OSBPL8: variants seen among roughly 807,000 people sequenced by gnomAD.
OSBPL8 encodes oxysterol-binding protein-related protein 8.
In OSBPL8, 59 loss-of-function variants were observed where a neutral mutation model predicts 125.5. The observed-to-expected ratio is 0.47, with a 90% confidence interval of 0.38 to 0.58. OSBPL8 has a LOEUF of 0.58. Ranked by LOEUF, OSBPL8 falls within the 20% of genes least tolerant of loss-of-function variation. The pLI is 0.00. For synonymous variants in OSBPL8, 330 were observed against 338.9 expected (o/e 0.97, Z 0.29); for missense variants, 758 against 1,047.8 (o/e 0.72, Z 3.82).
At chr12:76,371,312 A>T in intron 19 of OSBPL8, 136 bp downstream of exon 19, 1 of 969,716 alleles carries the variant, frequency 1.0e-6, no homozygotes, top group Non-Finnish European at 1.4e-6. Context: ...AAAACAGAAT[A>T]CTGTCACTTC....
chr12:76,402,631 C>T (rs1954097061), intron 6 of OSBPL8, 58 bp downstream of exon 6: 2 of 1,259,024 alleles, frequency 1.6e-6, no homozygotes, highest in East Asian at 4.7e-5. Context: ...TAGTCTACTT[C>T]CAAACACACA....
intron 21 of OSBPL8, among the ~76,000 whole-genome samples, chr12:76,368,105 T>C (rs751588881): frequency 6.6e-6 from 1 of 152,198 alleles, no homozygotes; most frequent in Non-Finnish European, 1.5e-5. Context: ...GCAGGTCTAG[T>C]GGTAATGAAC....
In OSBPL8 at chr12:76,521,523, T is replaced by C. The variant is rs576279338; in HGVS notation, c.-67-33905A>G. 2.6e-5 allele frequency among the ~76,000 whole-genome samples: 4 copies of C among 152,312 alleles called. No individual in the cohort carries two copies. The South Asian group carries it at 8.3e-4, about 32-fold the overall frequency. Reference sequence around the variant, plus strand: ...ACACCCATGTTCACAGCAGAATTATTCACAATAACTAAAATGTGGAAACAA... The same window carrying C: ...ACACCCATGTTCACAGCAGAATTATCCACAATAACTAAAATGTGGAAACAA... On this transcript the variant is annotated intron_variant, in intron 1 of 23. Coordinates refer to ENST00000261183, the MANE Select transcript of OSBPL8 (RefSeq NM_020841.5).
chr12:76,403,738 G>A (rs1954142595), intron 5 of OSBPL8, among the ~76,000 whole-genome samples: 1 of 152,114 alleles, frequency 6.6e-6, no homozygotes, highest in Admixed American at 6.5e-5. Flanking sequence ...GATTCAAATG[G>A]TGGCTTTCAA....
At chr12:76,365,389 C>T (rs755670286) in intron 21 of OSBPL8, among the ~76,000 whole-genome samples, 1 of 152,046 alleles carries the variant, frequency 6.6e-6, no homozygotes, top group Non-Finnish European at 1.5e-5. Flanking sequence ...CTTTTAGATG[C>T]TATTATTGAA....
intron 4 of OSBPL8, among the ~76,000 whole-genome samples, chr12:76,425,056 T>C (rs1030788638): frequency 2.0e-5 from 3 of 152,150 alleles, no homozygotes; most frequent in African/African-American, 7.2e-5. Context: ...CAAGTTCCTC[T>C]GGATCATGAA....
At chr12:76,364,812 T>G (rs962589476) in intron 21 of OSBPL8, among the ~76,000 whole-genome samples, 1 of 152,180 alleles carries the variant, frequency 6.6e-6, no homozygotes, top group South Asian at 2.1e-4. Context: ...AGAGTCCTCT[T>G]TATACTTCTT....
intron 1 of OSBPL8, among the ~76,000 whole-genome samples, chr12:76,521,734 T>C (rs76861234): frequency 0.056 from 8,598 of 152,210 alleles, 687 homozygotes; most frequent in African/African-American, 0.18. Flanking sequence ...TTATGATGTA[T>C]CTACAATAGC....
At chr12:76,483,833 C>T (rs991435237) in intron 2 of OSBPL8, among the ~76,000 whole-genome samples, 9 of 151,642 alleles carry the variant, frequency 5.9e-5, no homozygotes, top group Admixed American at 4.6e-4. Flanking sequence ...CGCCACGCCA[C>T]CTGGCTAATT....
At position 76,353,130 on chromosome 12, in the gene OSBPL8, T is replaced by C. The variant is rs576063903; in HGVS notation, c.*2759A>G. On this transcript the variant is annotated 3_prime_UTR_variant, in exon 24 of 24. Transcript: ENST00000261183. ...CAAAAGCATGAATATTAAATGAGAG[T>C]TGTATTTTACAAGGCCAACTTTTCA... 6.6e-6 allele frequency: 1 copy of C among 151,756 alleles called. No individual in the cohort carries two copies. The highest frequency in any genetic ancestry group is 2.4e-5 in the African/African-American group (1 of 41,254). The allele number at this position is 151,756 out of a possible 1,614,324, so 9.4% of individuals were successfully genotyped here.
chr12:76,380,122 C>T (rs1245611251), intron 15 of OSBPL8, among the ~76,000 whole-genome samples: 1 of 152,122 alleles, frequency 6.6e-6, no homozygotes, highest in African/African-American at 2.4e-5. Context: ...GGGTCCTTGA[C>T]TTTTCAACGT....
chr12:76,413,227 T>C (rs1868305631), intron 4 of OSBPL8, among the ~76,000 whole-genome samples: 1 of 152,206 alleles, frequency 6.6e-6, no homozygotes, highest in African/African-American at 2.4e-5. Flanking sequence ...AGAGAATTGC[T>C]AACATTTCAT....
intron 4 of OSBPL8, among the ~76,000 whole-genome samples, chr12:76,420,429 T>C (rs1869321522): frequency 6.6e-6 from 1 of 152,074 alleles, no homozygotes; most frequent in Non-Finnish European, 1.5e-5. Context: ...TAATCAGATA[T>C]GAACTAAATA....
intron 7 of OSBPL8, among the ~76,000 whole-genome samples, chr12:76,398,925 G>A (rs1339572448): frequency 1.3e-5 from 2 of 152,170 alleles, no homozygotes; most frequent in African/African-American, 2.4e-5. Context: ...GAACATGGAG[G>A]ACAAATTATC....
chr12:76,528,090 A>G (rs1950226670), intron 1 of OSBPL8, among the ~76,000 whole-genome samples: 1 of 152,150 alleles, frequency 6.6e-6, no homozygotes, highest in Non-Finnish European at 1.5e-5. Flanking sequence ...TGGGAAGCCG[A>G]GGTGGGCGGA....
At chr12:76,533,955 GA>G (rs1397033702) in intron 1 of OSBPL8, among the ~76,000 whole-genome samples, 2 of 152,068 alleles carry the variant, frequency 1.3e-5, no homozygotes, top group Non-Finnish European at 2.9e-5. Context: ...AAATACACGT[GA>G]AATAAAACAT....
At chr12:76,466,086 C>A (rs776735495) in intron 2 of OSBPL8, among the ~76,000 whole-genome samples, 1 of 152,030 alleles carries the variant, frequency 6.6e-6, no homozygotes, top group Admixed American at 6.6e-5. Flanking sequence ...TATAAAGAAG[C>A]TTGTATGATA....
intron 2 of OSBPL8, among the ~76,000 whole-genome samples, chr12:76,468,995 T>C (rs1345966400): frequency 6.6e-6 from 1 of 152,220 alleles, no homozygotes; most frequent in East Asian, 1.9e-4. Flanking sequence ...AACTCAGGTC[T>C]AGCACAATCT....
At chr12:76,434,711 A>G (rs2136607691) in intron 4 of OSBPL8, among the ~76,000 whole-genome samples, 1 of 152,350 alleles carries the variant, frequency 6.6e-6, no homozygotes, top group South Asian at 2.1e-4. Flanking sequence ...AGAGACCTGA[A>G]CAGGCATTTC....
Sources: allele counts gnomAD v4.1 joint callset (sites outside exome capture counted in the v4.1 genomes callset), GRCh38; gene constraint gnomAD v4.1.1; transcripts MANE v1.5; gene names NCBI Gene and HGNC (gene_info 2026-07-23, HGNC 2026-07-21).